PRKN: variants seen among roughly 807,000 people sequenced by gnomAD.
PRKN encodes the protein parkin RBR E3 ubiquitin protein ligase.
A neutral mutation model predicts 59.5 loss-of-function variants in PRKN; 56 were observed. That is an observed-to-expected ratio of 0.94 (90% CI 0.76 to 1.18). The LOEUF (loss-of-function observed/expected upper bound fraction) is 1.18, where lower values mean the gene tolerates loss of function less well. Among genes scored for constraint, PRKN ranks in the 50% most tolerant of loss-of-function variants. The pLI, the probability that PRKN is intolerant of heterozygous loss-of-function variation, is 0.00. For synonymous variants in PRKN, 250 were observed against 222.1 expected (o/e 1.13, Z -1.12); for missense variants, 657 against 596.4 (o/e 1.10, Z -1.06).
At chr6:162,605,268 T>A (rs539472766) in intron 1 of PRKN, among the ~76,000 whole-genome samples, 1 of 152,234 alleles carries the variant, frequency 6.6e-6, no homozygotes, top group African/African-American at 2.4e-5. Context: ...TACTTCTCAA[T>A]ATATTTTTGG....
intron 7 of PRKN, among the ~76,000 whole-genome samples, chr6:161,702,479 T>C (rs552237898): frequency 1.6e-4 from 24 of 151,842 alleles, no homozygotes; most frequent in African/African-American, 5.6e-4. Flanking sequence ...CTATATAAGG[T>C]CCTTGGAGTA....
intron 6 of PRKN, among the ~76,000 whole-genome samples, chr6:161,915,468 G>A (rs547605778): frequency 3.3e-5 from 5 of 152,164 alleles, no homozygotes; most frequent in African/African-American, 1.2e-4. Context: ...ATCCAAAATA[G>A]AGTTTTAATT....
intron 1 of PRKN, among the ~76,000 whole-genome samples, chr6:162,548,205 G>A (rs1429607107): frequency 6.6e-6 from 1 of 151,996 alleles, no homozygotes; most frequent in African/African-American, 2.4e-5. Flanking sequence ...GACTACAGGT[G>A]CACGCCACTA....
At chr6:162,530,528 T>G (rs1041710351) in intron 1 of PRKN, among the ~76,000 whole-genome samples, 1 of 152,110 alleles carries the variant, frequency 6.6e-6, no homozygotes, top group African/African-American at 2.4e-5. Context: ...AATATTTAAA[T>G]CTCCAGTCTC....
At chr6:162,088,694 A>G (rs1192779765) in intron 4 of PRKN, among the ~76,000 whole-genome samples, 1 of 152,170 alleles carries the variant, frequency 6.6e-6, no homozygotes, top group Non-Finnish European at 1.5e-5. Context: ...ATCTGAATAG[A>G]CCCATAACAA....
chr6:162,528,080 AGGGG>A (rs1778362729), intron 1 of PRKN, among the ~76,000 whole-genome samples: 1 of 27,100 alleles, frequency 3.7e-5, no homozygotes. Flanking sequence ...GGGGGGCGGG[AGGGG>A]TGCGGGGCGG....
At chr6:162,487,533 T>C (rs1448791295) in intron 1 of PRKN, among the ~76,000 whole-genome samples, 2 of 152,156 alleles carry the variant, frequency 1.3e-5, no homozygotes. Flanking sequence ...ACTGAGGAAA[T>C]GAACACACAT....
At chr6:161,528,489 A>C (rs1030127378) in intron 9 of PRKN, among the ~76,000 whole-genome samples, 3 of 152,166 alleles carry the variant, frequency 2.0e-5, no homozygotes, top group Non-Finnish European at 1.5e-5. Context: ...GAACTTGGAG[A>C]ACTCCCATTG....
chr6:161,661,501 C>T (rs62436832), intron 7 of PRKN, among the ~76,000 whole-genome samples: 4 of 151,994 alleles, frequency 2.6e-5, no homozygotes, highest in African/African-American at 4.8e-5. Flanking sequence ...CCTCCTAGAC[C>T]GCAGGAACTC....
chr6:162,251,310 T>A (rs1351364439), intron 3 of PRKN, among the ~76,000 whole-genome samples: 2 of 152,138 alleles, frequency 1.3e-5, no homozygotes, highest in Middle Eastern at 3.2e-3. Context: ...CATGAAGTGT[T>A]AAAACTGGCT....
chr6:162,369,216 T>A (rs1385991485), intron 2 of PRKN, among the ~76,000 whole-genome samples: 1 of 152,174 alleles, frequency 6.6e-6, no homozygotes, highest in Admixed American at 6.6e-5. Flanking sequence ...TGGAATAAGT[T>A]CTTTTGTTGC....
At chr6:162,107,129 G>C (rs561343289) in intron 4 of PRKN, among the ~76,000 whole-genome samples, 6 of 152,160 alleles carry the variant, frequency 3.9e-5, no homozygotes, top group Admixed American at 6.5e-5. Flanking sequence ...ACCCCCATCA[G>C]GTACAACTCT....
intron 9 of PRKN, among the ~76,000 whole-genome samples, chr6:161,427,419 T>A (rs1438642265): frequency 6.6e-6 from 1 of 152,130 alleles, no homozygotes; most frequent in Admixed American, 6.6e-5. Context: ...AAAAGTTGAA[T>A]AACTTACTCA....
intron 1 of PRKN, among the ~76,000 whole-genome samples, chr6:162,584,645 T>C (rs1780936537): frequency 6.6e-6 from 1 of 152,124 alleles, no homozygotes; most frequent in Non-Finnish European, 1.5e-5. Flanking sequence ...AAGCCAGCCA[T>C]ACAATGAATT....
chr6:162,335,999 C>T (rs1329091043), intron 2 of PRKN, among the ~76,000 whole-genome samples: 2 of 151,522 alleles, frequency 1.3e-5, no homozygotes, highest in African/African-American at 4.9e-5. Context: ...TTTCTCTGAG[C>T]AGTGCGGCCC....
intron 2 of PRKN, among the ~76,000 whole-genome samples, chr6:162,384,696 T>C (rs1047746763): frequency 2.7e-5 from 4 of 148,258 alleles, no homozygotes; most frequent in African/African-American, 9.9e-5. Flanking sequence ...CTGCAAAGCA[T>C]GCTAAAGGGA....
At chr6:161,966,350 A>T (rs577552849) in intron 6 of PRKN, among the ~76,000 whole-genome samples, 1 of 151,040 alleles carries the variant, frequency 6.6e-6, no homozygotes, top group African/African-American at 2.5e-5. Context: ...CCTTTAAAAA[A>T]TTTAGAAAAC....
At chr6:162,101,758 TCTAA>T (rs1477045296) in intron 4 of PRKN, among the ~76,000 whole-genome samples, 1 of 152,132 alleles carries the variant, frequency 6.6e-6, no homozygotes, top group Non-Finnish European at 1.5e-5. Context: ...CTAGAGATAC[TCTAA>T]CTATGTGGTA....
intron 2 of PRKN, among the ~76,000 whole-genome samples, chr6:162,288,827 G>A (rs920192738): frequency 6.6e-5 from 10 of 152,140 alleles, no homozygotes; most frequent in African/African-American, 2.4e-4. Flanking sequence ...CCTATGCTTG[G>A]CTGCTGAGGA....
Sources: gnomAD v4.1 joint callset for allele counts (sites outside exome capture counted in the v4.1 genomes callset) on GRCh38, gnomAD v4.1.1 for gene constraint, MANE v1.5 for transcripts, NCBI Gene and HGNC (gene_info 2026-07-23, HGNC 2026-07-21) for gene names.